CLC: variants seen among roughly 807,000 people sequenced by gnomAD.
CLC encodes the protein galectin-10.
A neutral mutation model predicts 13.9 loss-of-function variants in CLC; 15 were observed. That is an observed-to-expected ratio of 1.08 (90% confidence interval 0.72 to 1.66). The LOEUF is 1.66. Ranked by LOEUF, CLC falls within the 40% of genes most tolerant of loss-of-function variation. The pLI, the probability that CLC is intolerant of heterozygous loss-of-function variation, is 0.00. For missense variants in CLC, 161 were observed against 169.1 expected (o/e 0.95, Z 0.27); for synonymous variants, 68 against 59.9 (o/e 1.14, Z -0.63).
At chr19:39,735,743 T>C (rs1967298689) in intron 1 of CLC, among the ~76,000 whole-genome samples, 1 of 152,192 alleles carries the variant, frequency 6.6e-6, no homozygotes, top group Non-Finnish European at 1.5e-5. Flanking sequence ...ATGTAAACCC[T>C]TTAGCCTAAA....
At chr19:39,735,168 G>A in intron 1 of CLC, 95 bp from the exon 2 acceptor site, 1 of 854,934 alleles carries the variant, frequency 1.2e-6, no homozygotes, top group East Asian at 2.4e-5. Flanking sequence ...TAGAGATCAA[G>A]CAGTAGACTC....
chr19:39,734,264 G>C lies in CLC; in HGVS notation c.303+19C>G. Reference sequence around the variant, plus strand: ...AGATCCCATGGAAGCCGGGTGCGGGGAGCTCCTGGGGTGCTCACCTGGTAC... The same window carrying C: ...AGATCCCATGGAAGCCGGGTGCGGGCAGCTCCTGGGGTGCTCACCTGGTAC... On this transcript the variant is annotated intron_variant, in intron 3 of 3. Coordinates refer to ENST00000221804, the MANE Select transcript of CLC (RefSeq NM_001828.6). 2 of 1,610,130 alleles carry C rather than the reference G, an allele frequency of 1.2e-6. No homozygotes were observed. The highest frequency in any genetic ancestry group is 1.7e-6 in the Non-Finnish European group (2 of 1,178,362).
At position 39,737,922 on chromosome 19, in the gene CLC, T is replaced by A. The variant is rs1967338831; in HGVS notation, c.15+16A>T. On this transcript the variant is annotated intron_variant, in intron 1 of 3. Coordinates refer to ENST00000221804, the MANE Select transcript of CLC (RefSeq NM_001828.6). ...TGTGACCTGAGATTATTGAAGGCTG[T>A]GCCTTTTTAACTCACGGGTAGCAGG... 6.2e-7 allele frequency: 1 copy of A among 1,612,256 alleles called. No individual in the cohort carries two copies. Among genetic ancestry groups the A allele is most frequent in the Middle Eastern group, 1.7e-4 (1 of 6,042 alleles).
rs200091892 is a variant in CLC, at chr19:39,731,515, GA to G, written c.304-11del. 2,055 of 1,588,026 alleles carry G rather than the reference GA, an allele frequency of 1.3e-3. 24 individuals carry two copies. In the African/African-American group the frequency reaches 0.024, roughly 19 times the overall value. ...GGCCATTGACCATTACCTACAGAAG[GA>G]AAAAAATACATCAGAAAGACAGTAT... is the stretch of plus-strand genomic sequence containing the variant. On this transcript the variant is annotated splice_polypyrimidine_tract_variant and intron_variant, in intron 3 of 3. Coordinates refer to ENST00000221804, the MANE Select transcript of CLC (RefSeq NM_001828.6).
chr19:39,737,968 G>T lies in CLC; in HGVS notation c.-16C>A. ...GCAGGGACATTGTTGTCTCCTTCTGGGTGGCTCTTCTGAATTGTGTCCAGA... is the reference window on the plus strand; with the variant it reads ...GCAGGGACATTGTTGTCTCCTTCTGTGTGGCTCTTCTGAATTGTGTCCAGA... On this transcript the variant is annotated 5_prime_UTR_variant, in exon 1 of 4. Transcript: ENST00000221804. 6.2e-7 allele frequency: 1 copy of T among 1,611,470 alleles called. No homozygotes were observed. The highest frequency in any genetic ancestry group is 8.5e-7 in the Non-Finnish European group (1 of 1,178,230).
At chr19:39,737,761 AC>A (rs1483521622) in intron 1 of CLC, among the ~76,000 whole-genome samples, 176 bp downstream of exon 1, 12 of 151,894 alleles carry the variant, frequency 7.9e-5, no homozygotes, top group Admixed American at 7.2e-4. Context: ...CACACCCCCT[AC>A]CCCCCTACCC....
intron 1 of CLC, among the ~76,000 whole-genome samples, chr19:39,737,084 C>T (rs1967323672): frequency 6.6e-6 from 1 of 151,870 alleles, no homozygotes; most frequent in Admixed American, 6.6e-5. Context: ...AAATCAAGTC[C>T]CTCAATGTCC....
chr19:39,735,614 C>A (rs1967296729), intron 1 of CLC, among the ~76,000 whole-genome samples: 1 of 152,218 alleles, frequency 6.6e-6, no homozygotes, highest in African/African-American at 2.4e-5. Context: ...TTTGCCCAAC[C>A]AGCAAGGGGA....
chr19:39,733,863 A>C (rs535941359), intron 3 of CLC: 1 of 911,474 alleles, frequency 1.1e-6, no homozygotes, highest in Admixed American at 6.2e-5. Context: ...GACTGACTAA[A>C]ACAATTTTAT....
Position 39,738,009 on chromosome 19 carries a change from C to G in CLC, c.-57G>C. 1 of 1,571,008 alleles carries G rather than the reference C, an allele frequency of 6.4e-7. No homozygotes were observed. The highest frequency in any genetic ancestry group is 8.7e-7 in the Non-Finnish European group (1 of 1,145,660). On this transcript the variant is annotated 5_prime_UTR_variant, in exon 1 of 4. Coordinates refer to ENST00000221804, the MANE Select transcript of CLC (RefSeq NM_001828.6). ...TGTGTCCAGACTTCTGTGTGAATCT[C>G]TGAGCTGCAGAATTTAAATGGCCCC... is the stretch of plus-strand genomic sequence containing the variant.
At chr19:39,736,666 T>A (rs1301791754) in intron 1 of CLC, among the ~76,000 whole-genome samples, 5 of 151,268 alleles carry the variant, frequency 3.3e-5, no homozygotes, top group Admixed American at 6.6e-5. Flanking sequence ...TCCCAGCTAC[T>A]CGGGAAGCTG....
chr19:39,735,720 C>T (rs1242921307), intron 1 of CLC, among the ~76,000 whole-genome samples: 1 of 152,160 alleles, frequency 6.6e-6, no homozygotes, highest in African/African-American at 2.4e-5. Context: ...TTCAGTTATA[C>T]AGTAGTTAAT....
At chr19:39,733,288 G>A (rs927316096) in intron 3 of CLC, among the ~76,000 whole-genome samples, 3 of 152,172 alleles carry the variant, frequency 2.0e-5, no homozygotes, top group Admixed American at 6.6e-5. Context: ...TGAATAAAAT[G>A]TGAATGTTTT....
rs754747200 is a variant in CLC at position 39,735,055 on chromosome 19, C to A, written c.34G>T (p.Ala12Ser). The change falls in exon 2 of 4, where the codon GCC becomes TCC. Residue 12 changes from alanine to serine, a missense_variant. Coordinates refer to ENST00000221804, the MANE Select transcript of CLC (RefSeq NM_001828.6). ...ACAGTAGAACCAGTAGACAAAGAGG[C>A]AGCCTCTGTGTATGGCACCTGCCAG... ...SLLPVPYTEA[A>S]SLSTGSTVTI... 66 of 1,613,758 alleles carry A rather than the reference C, an allele frequency of 4.1e-5. No individual in the cohort carries two copies. The Admixed American group carries it at 4.3e-4, about 11-fold the overall frequency.
intron 3 of CLC, among the ~76,000 whole-genome samples, chr19:39,732,440 C>G (rs769915204): frequency 3.7e-3 from 277 of 75,182 alleles, no homozygotes; most frequent in Middle Eastern, 0.019. Flanking sequence ...GCATAGTATT[C>G]CATGGTGTAT....
Position 39,738,020 on chromosome 19 carries a change from A to C in CLC, c.-68T>G. The C allele has an allele frequency of 6.6e-7, 1 of 1,512,028 alleles. No homozygotes were observed. The allele number at this position is 1,512,028 out of a possible 1,614,324, so 93.7% of individuals were successfully genotyped here. On this transcript the variant is annotated 5_prime_UTR_variant, in exon 1 of 4. The change creates a new upstream start codon in the 5' untranslated region. Transcript: ENST00000221804. Reference sequence around the variant, plus strand: ...TTCTGTGTGAATCTCTGAGCTGCAGAATTTAAATGGCCCCTATCAGCCCTG... The same window carrying C: ...TTCTGTGTGAATCTCTGAGCTGCAGCATTTAAATGGCCCCTATCAGCCCTG...
rs1967287976 is a variant in CLC, at chr19:39,735,034, T to C, written c.55A>G (p.Thr19Ala). Residue 19 changes from threonine (T) to alanine (A), a missense_variant, in exon 2 of 4, where the codon ACT becomes GCT. Coordinates refer to ENST00000221804, the MANE Select transcript of CLC (RefSeq NM_001828.6). ...AGTGGTCGCCCTTTGATTGTCACAG[T>C]AGAACCAGTAGACAAAGAGGCAGCC... ...TEAASLSTGS[T>A]VTIKGRPLAC... is the part of the protein sequence containing the mutation. The C allele has an allele frequency of 6.2e-7, 1 of 1,613,832 alleles. No homozygotes were observed. Among genetic ancestry groups the C allele is most frequent in the Non-Finnish European group, 8.5e-7 (1 of 1,179,766 alleles).
At chr19:39,733,876 A>G (rs750118418) in intron 3 of CLC, 25 of 939,290 alleles carry the variant, frequency 2.7e-5, no homozygotes, top group Non-Finnish European at 3.2e-5. Context: ...AATTTTATTC[A>G]TGTGTATATC....
rs1967223096 is a variant in CLC, at chr19:39,731,416, G to A, written c.393C>T (p.Ser131=). 1.2e-6 allele frequency: 2 copies of A among 1,613,608 alleles called. No individual in the cohort carries two copies. The highest frequency in any genetic ancestry group is 1.1e-5 in the South Asian group (1 of 91,084). ...AATAGCTGACATTAAATTTGGTCAG[G>A]GAGATATCTCTCCACACTTGCACCA... The part of the protein sequence containing the change: ...VKMVQVWRDI[S]LTKFNVSYLK... The change falls in exon 4 of 4, where the codon TCC becomes TCT. Residue 131 remains serine, a synonymous_variant. Transcript: ENST00000221804.
Sources: allele counts gnomAD v4.1 joint callset (sites outside exome capture counted in the v4.1 genomes callset), GRCh38; gene constraint gnomAD v4.1.1; transcripts MANE v1.5; gene names NCBI Gene and HGNC (gene_info 2026-07-23, HGNC 2026-07-21).